The following ATXN7L1 variants were observed in gnomAD, a reference collection of about 807,000 sequenced individuals.
ATXN7L1 encodes the protein ataxin 7 like 1, also known as ataxin-7-like protein 1.
A neutral mutation model predicts 70.8 loss-of-function variants in ATXN7L1; 15 were observed. The observed-to-expected ratio is 0.21, with a 90% CI of 0.14 to 0.33. ATXN7L1 has a LOEUF of 0.33. ATXN7L1 is among the 10% of genes least tolerant of loss of function. The pLI is 1.00. For missense variants in ATXN7L1, 975 were observed against 1,097.1 expected, an observed-to-expected ratio of 0.89 and a Z score of 1.57; for synonymous variants, 440 against 445.1, an observed-to-expected ratio of 0.99 and a Z score of 0.14.
intron 3 of ATXN7L1, among the ~76,000 whole-genome samples, chr7:105,678,699 T>C (rs142953147): frequency 4.9e-4 from 75 of 152,304 alleles, no homozygotes; most frequent in African/African-American, 1.8e-3. Context: ...GGAAGGTTCA[T>C]TGCAGCTGGC....
intron 3 of ATXN7L1, among the ~76,000 whole-genome samples, chr7:105,679,811 G>A (rs1438875791): frequency 6.6e-6 from 1 of 152,060 alleles, no homozygotes; most frequent in South Asian, 2.1e-4. Flanking sequence ...CTGCTTAATG[G>A]GCACAGGGTC....
chr7:105,733,594 C>CCATT (rs1796906545), intron 3 of ATXN7L1, among the ~76,000 whole-genome samples: 1 of 125,062 alleles, frequency 8.0e-6, no homozygotes, highest in Non-Finnish European at 1.7e-5. Context: ...ATCCATCCAT[C>CCATT]CATCCATCCA....
intron 3 of ATXN7L1, 48 bp downstream of exon 3, chr7:105,788,556 C>T: frequency 6.8e-7 from 1 of 1,472,872 alleles, no homozygotes; most frequent in Non-Finnish European, 9.5e-7. Flanking sequence ...GCGACTGTCC[C>T]CAGGGCGGCA....
chr7:105,726,873 G>GAA (rs1795877612), intron 3 of ATXN7L1, among the ~76,000 whole-genome samples: 1 of 152,208 alleles, frequency 6.6e-6, no homozygotes, highest in Non-Finnish European at 1.5e-5. Flanking sequence ...ATCACTGACT[G>GAA]AAAGCTGGGT....
At chr7:105,862,250 C>A (rs1816748433) in intron 2 of ATXN7L1, among the ~76,000 whole-genome samples, 1 of 152,054 alleles carries the variant, frequency 6.6e-6, no homozygotes, top group Non-Finnish European at 1.5e-5. Context: ...GCCTAGGCAA[C>A]ATAGGGAGAC....
intron 3 of ATXN7L1, among the ~76,000 whole-genome samples, chr7:105,783,833 G>A (rs752592310): frequency 1.3e-5 from 2 of 152,200 alleles, no homozygotes; most frequent in Non-Finnish European, 1.5e-5. Flanking sequence ...CTAATTTGTA[G>A]CCAAGTCAGA....
At chr7:105,803,514 T>A (rs769574161) in intron 2 of ATXN7L1, among the ~76,000 whole-genome samples, 4 of 152,148 alleles carry the variant, frequency 2.6e-5, no homozygotes, top group Non-Finnish European at 5.9e-5. Flanking sequence ...TTTCAAGGCA[T>A]GAGACCTCTC....
chr7:105,726,518 C>G (rs1279992920), intron 3 of ATXN7L1, among the ~76,000 whole-genome samples: 3 of 152,158 alleles, frequency 2.0e-5, no homozygotes, highest in Non-Finnish European at 2.9e-5. Context: ...TGTCACCTTC[C>G]CCTCTGTCTC....
At chr7:105,773,901 C>T (rs150294487) in intron 3 of ATXN7L1, among the ~76,000 whole-genome samples, 1 of 152,184 alleles carries the variant, frequency 6.6e-6, no homozygotes, top group Non-Finnish European at 1.5e-5. Context: ...ATGATAGGAC[C>T]GTAGTTCTTC....
chr7:105,732,960 G>T (rs1489775832), intron 3 of ATXN7L1, among the ~76,000 whole-genome samples: 1 of 152,176 alleles, frequency 6.6e-6, no homozygotes, highest in Non-Finnish European at 1.5e-5. Flanking sequence ...CTGCTCAAAT[G>T]ACACTGTATC....
At chr7:105,645,775 T>C (rs974414903) in intron 4 of ATXN7L1, among the ~76,000 whole-genome samples, 74 of 151,880 alleles carry the variant, frequency 4.9e-4, no homozygotes, top group African/African-American at 1.8e-3. Flanking sequence ...ATAGTGCCAC[T>C]GCACTCCAGC....
intron 3 of ATXN7L1, among the ~76,000 whole-genome samples, chr7:105,749,989 A>G (rs940684775): frequency 1.3e-5 from 2 of 151,826 alleles, no homozygotes; most frequent in Non-Finnish European, 2.9e-5. Context: ...TACACCTAAA[A>G]TCTTAATTTG....
intron 3 of ATXN7L1, among the ~76,000 whole-genome samples, chr7:105,692,137 G>C (rs1790962269): frequency 6.6e-6 from 1 of 152,086 alleles, no homozygotes; most frequent in Admixed American, 6.5e-5. Context: ...GGTGGGGTGG[G>C]TGGGTAGTTT....
At chr7:105,651,820 A>G (rs183858683) in intron 4 of ATXN7L1, among the ~76,000 whole-genome samples, 1 of 152,332 alleles carries the variant, frequency 6.6e-6, no homozygotes, top group East Asian at 1.9e-4. Context: ...GTCTCCTGCA[A>G]TCCTGAAGTA....
At chr7:105,663,042 GA>G (rs771912749) in intron 4 of ATXN7L1, among the ~76,000 whole-genome samples, 16 of 152,326 alleles carry the variant, frequency 1.1e-4, no homozygotes, top group Non-Finnish European at 1.8e-4. Flanking sequence ...TCACCCAGCT[GA>G]AATTTGTGCC....
rs373910736 is a variant in ATXN7L1, at chr7:105,840,850, G to T, written c.250+34962C>A. 2.4e-4 allele frequency among the ~76,000 whole-genome samples: 36 copies of T among 152,296 alleles called. No homozygotes were observed. The South Asian group carries it at 7.3e-3, about 31-fold the overall frequency. ...TGTCAGGAATTCCAGTATTCATCTG[G>T]TTTACCTTTGCCCCCAAGTTCTGGC... is the stretch of plus-strand genomic sequence containing the variant. On this transcript the variant is annotated intron_variant, in intron 2 of 11. Transcript: ENST00000419735.
intron 3 of ATXN7L1, 36 bp from the exon 4 acceptor site, chr7:105,665,324 T>C (rs1255161662): frequency 1.0e-5 from 15 of 1,505,632 alleles, no homozygotes; most frequent in Non-Finnish European, 1.2e-5. Context: ...CAGCACAGCA[T>C]CTGTAGCAGG....
At chr7:105,830,441 C>T (rs777038696) in intron 2 of ATXN7L1, among the ~76,000 whole-genome samples, 1 of 152,256 alleles carries the variant, frequency 6.6e-6, no homozygotes, top group Non-Finnish European at 1.5e-5. Context: ...TGCCCCATGG[C>T]GGGTGTGGGG....
intron 2 of ATXN7L1, among the ~76,000 whole-genome samples, chr7:105,797,805 A>G (rs1806215621): frequency 6.6e-6 from 1 of 152,154 alleles, no homozygotes; most frequent in Non-Finnish European, 1.5e-5. Context: ...CAGCTTTCCT[A>G]AGGCTGTTGT....
Sources: gnomAD v4.1 joint callset for allele counts (sites outside exome capture counted in the v4.1 genomes callset) on GRCh38, gnomAD v4.1.1 for gene constraint, MANE v1.5 for transcripts, NCBI Gene and HGNC (gene_info 2026-07-23, HGNC 2026-07-21) for gene names.